The following MEIG1 variants were observed in gnomAD, a reference collection of about 807,000 sequenced individuals.
The protein encoded by MEIG1 is meiosis/spermiogenesis associated 1.
In MEIG1, 12 loss-of-function variants were observed where a neutral mutation model predicts 11.3. The ratio of observed to expected loss-of-function variants is 1.07; its 90% CI spans 0.68 to 1.73. MEIG1 has a LOEUF of 1.73. Ranked by LOEUF, MEIG1 falls within the 40% of genes most tolerant of loss-of-function variation. The pLI, the probability that MEIG1 is intolerant of heterozygous loss-of-function variation, is 0.00. For missense variants in MEIG1, 119 were observed against 104.9 expected, an observed-to-expected ratio of 1.13 and a Z score of -0.59; for synonymous variants, 41 against 33.2, an observed-to-expected ratio of 1.24 and a Z score of -0.81.
chr10:14,986,694 C>T (rs896225003), intron 1 of MEIG1: 8 of 288,318 alleles, frequency 2.8e-5, no homozygotes, highest in African/African-American at 1.8e-4. Flanking sequence ...ACTGCAAGCT[C>T]CGCCTCCTGA....
At chr10:14,961,303 G>A (rs950544930) in intron 1 of MEIG1, among the ~76,000 whole-genome samples, 2 of 152,160 alleles carry the variant, frequency 1.3e-5, no homozygotes, top group African/African-American at 4.8e-5. Flanking sequence ...TACTGAATGC[G>A]TATTGCTTTT....
chr10:14,979,973 G>A (rs761440224), intron 1 of MEIG1, among the ~76,000 whole-genome samples: 2 of 151,788 alleles, frequency 1.3e-5, no homozygotes, highest in Admixed American at 6.6e-5. Context: ...CCCTAAAGTC[G>A]CAGGCTGTGT....
At chr10:14,972,486 G>A (rs375686156) in intron 2 of MEIG1, 27 bp from the exon 3 acceptor site, 36 of 1,613,380 alleles carry the variant, frequency 2.2e-5, no homozygotes, top group African/African-American at 1.2e-4. Flanking sequence ...CCATTGTAAC[G>A]TTTGTACTCT....
upstream of MEIG1, among the ~76,000 whole-genome samples, chr10:14,954,928 C>G (rs1842898388): frequency 1.3e-5 from 2 of 152,100 alleles, no homozygotes; most frequent in African/African-American, 4.8e-5. Flanking sequence ...AGAACACTTT[C>G]GCTTTATTTT....
chr10:14,983,543 C>T (rs1022893536), intron 1 of MEIG1, among the ~76,000 whole-genome samples: 4 of 151,882 alleles, frequency 2.6e-5, no homozygotes, highest in East Asian at 1.9e-4. Flanking sequence ...AGGGGGTGTA[C>T]ATCCAGTCTG....
upstream of MEIG1, among the ~76,000 whole-genome samples, chr10:14,957,512 G>C (rs1035662416): frequency 1.3e-5 from 2 of 152,214 alleles, no homozygotes; most frequent in African/African-American, 4.8e-5. Context: ...AGGAGGGAGG[G>C]TGTTGTGAGC....
intron 2 of MEIG1, among the ~76,000 whole-genome samples, chr10:14,967,292 G>C (rs1843097066): frequency 6.6e-6 from 1 of 151,900 alleles, no homozygotes; most frequent in Non-Finnish European, 1.5e-5. Context: ...CCATGAATTA[G>C]AAAGAGGTTA....
intron 1 of MEIG1, among the ~76,000 whole-genome samples, chr10:14,963,179 C>T (rs1170981573): frequency 6.6e-6 from 1 of 151,956 alleles, no homozygotes; most frequent in Non-Finnish European, 1.5e-5. Flanking sequence ...TCACTGCAAC[C>T]TCTGCCCCCC....
downstream of MEIG1, among the ~76,000 whole-genome samples, chr10:14,975,786 G>A (rs1282835170): frequency 6.6e-6 from 1 of 152,022 alleles, no homozygotes; most frequent in Admixed American, 6.6e-5. Context: ...TTTCAATATC[G>A]CATGGGATGG....
upstream of MEIG1, among the ~76,000 whole-genome samples, chr10:14,957,785 A>G (rs1411448657): frequency 6.6e-6 from 1 of 152,138 alleles, no homozygotes; most frequent in Non-Finnish European, 1.5e-5. Context: ...AGCTGGGACT[A>G]CAGGTGCACG....
At chr10:14,979,768 AT>A (rs1472574482) in intron 1 of MEIG1, among the ~76,000 whole-genome samples, 13 of 151,832 alleles carry the variant, frequency 8.6e-5, no homozygotes, top group Admixed American at 8.5e-4. Flanking sequence ...TACTTTAAAA[AT>A]CACAGTGGGT....
intron 1 of MEIG1, among the ~76,000 whole-genome samples, chr10:14,981,087 C>T (rs187332804): frequency 1.3e-5 from 2 of 152,106 alleles, no homozygotes; most frequent in Admixed American, 1.3e-4. Context: ...GTGCTTGAGA[C>T]GGACCTGGAT....
At chr10:14,983,378 G>T (rs1329715065) in intron 1 of MEIG1, among the ~76,000 whole-genome samples, 1 of 151,730 alleles carries the variant, frequency 6.6e-6, no homozygotes, top group Non-Finnish European at 1.5e-5. Flanking sequence ...TCGCAATATC[G>T]CAGGCTGTGT....
the MEIG1 span, chr10:14,954,265 C>A: frequency 5.1e-6 from 3 of 589,090 alleles, no homozygotes; most frequent in East Asian, 2.9e-5. Context: ...CTGCCCAGTG[C>A]AAGGCTCATT....
At chr10:14,977,873 T>G (rs990459588) in intron 1 of MEIG1, among the ~76,000 whole-genome samples, 6 of 151,900 alleles carry the variant, frequency 3.9e-5, no homozygotes, top group South Asian at 2.1e-4. Context: ...CACCGTGAGT[T>G]TACACCCTGT....
chr10:14,960,951 C>T (rs146240279), intron 1 of MEIG1, among the ~76,000 whole-genome samples: 8,628 of 152,148 alleles, frequency 0.057, 299 homozygotes, highest in African/African-American at 0.086. Context: ...ATCGCTTTAA[C>T]CTGGGAGGCG....
downstream of MEIG1, among the ~76,000 whole-genome samples, chr10:14,973,977 G>A (rs1358389662): frequency 2.0e-5 from 3 of 152,050 alleles, no homozygotes; most frequent in Non-Finnish European, 2.9e-5. Context: ...CAGGGCTATC[G>A]GGATCAAAGG....
intron 1 of MEIG1, among the ~76,000 whole-genome samples, chr10:14,965,656 G>A (rs1031343187): frequency 2.7e-5 from 4 of 149,910 alleles, no homozygotes; most frequent in African/African-American, 1.0e-4. Flanking sequence ...GTGAGAAGAC[G>A]GGTCTTACAT....
downstream of MEIG1, among the ~76,000 whole-genome samples, chr10:14,973,789 A>T (rs1484508542): frequency 6.6e-6 from 1 of 151,694 alleles, no homozygotes; most frequent in Non-Finnish European, 1.5e-5. Flanking sequence ...AAAAAAAAGA[A>T]AACTATAAAG....
Sources: allele counts gnomAD v4.1 joint callset (sites outside exome capture counted in the v4.1 genomes callset), GRCh38; gene constraint gnomAD v4.1.1; transcripts MANE v1.5; gene names NCBI Gene and HGNC (gene_info 2026-07-23, HGNC 2026-07-21).